The following IYD variants were observed in gnomAD, a reference collection of about 807,000 sequenced individuals.
IYD encodes iodotyrosine deiodinase.
In IYD, 25 loss-of-function variants were observed where a neutral mutation model predicts 28.4. That is an observed-to-expected ratio of 0.88 (90% confidence interval 0.64 to 1.23). The LOEUF is 1.23. IYD is among the 50% of genes most tolerant of loss of function. The pLI, the probability that IYD is intolerant of heterozygous loss-of-function variation, is 0.00. For missense variants in IYD, 352 were observed against 357.9 expected (o/e 0.98, Z 0.13); for synonymous variants, 140 against 130.8 (o/e 1.07, Z -0.48).
intron 4 of IYD, chr6:150,395,516 C>G (rs1447945270): frequency 2.0e-6 from 3 of 1,537,192 alleles, no homozygotes; most frequent in Non-Finnish European, 2.6e-6. Context: ...ATTGAGGGTC[C>G]TGGAAGAAGC....
At chr6:150,387,339 T>A (rs147913924) in intron 1 of IYD, among the ~76,000 whole-genome samples, 6 of 150,668 alleles carry the variant, frequency 4.0e-5, no homozygotes, top group African/African-American at 1.5e-4. Context: ...AGCTGGAGGA[T>A]CCCTTGAGGC....
chr6:150,388,705 C>CTTTTT (rs34498269), intron 1 of IYD, among the ~76,000 whole-genome samples: 2 of 92,720 alleles, frequency 2.2e-5, no homozygotes, highest in Admixed American at 2.4e-4. Context: ...CTTCCTTTCT[C>CTTTTT]TTTTTTTTTT....
chr6:150,395,513 G>A (rs1236255328), intron 4 of IYD: 1 of 1,537,326 alleles, frequency 6.5e-7, no homozygotes, highest in Non-Finnish European at 8.7e-7. Flanking sequence ...CTGATTGAGG[G>A]TCCTGGAAGA....
At position 150,402,979 on chromosome 6, in the gene IYD, ATGCAGTGGTGTGATTATAGCTCAC is replaced by A. The variant is rs1422296407; in HGVS notation, c.*4748_*4771del. The A allele has an allele frequency of 6.6e-6, 1 of 152,132 alleles. No homozygotes were observed. The highest frequency in any genetic ancestry group is 2.4e-5 in the African/African-American group (1 of 41,412). 9.4% of individuals were successfully genotyped at this position (152,132 alleles called of 1,614,324 possible). On this transcript the variant is annotated 3_prime_UTR_variant, in exon 5 of 5. Transcript: ENST00000344419. ...TTCTTGCTCTGTCACCCAGGCTAGA[ATGCAGTGGTGTGATTATAGCTCAC>A]TGCAGCCTCCAACTTCTGGACTCAA...
In IYD at chr6:150,392,384, T is replaced by C; in HGVS notation, c.410T>C (p.Phe137Ser). The change falls in exon 3 of 5, where the codon TTC becomes TCC. Residue 137 changes from phenylalanine to serine, a missense_variant. Transcript: ENST00000344419. Reference sequence around the variant, plus strand: ...GGGGCTCACACAGAGCCCTGGACCTTCGTGGTTGTGAAGGACCCAGACGTG... The same window carrying C: ...GGGGCTCACACAGAGCCCTGGACCTCCGTGGTTGTGAAGGACCCAGACGTG... Reference protein sequence around the residue: ...PSGAHTEPWTFVVVKDPDVKH... With the variant: ...PSGAHTEPWTSVVVKDPDVKH... 6.2e-7 allele frequency: 1 copy of C among 1,613,776 alleles called. No homozygotes were observed. Among genetic ancestry groups the C allele is most frequent in the Non-Finnish European group, 8.5e-7 (1 of 1,179,848 alleles).
intron 2 of IYD, 144 bp from the exon 3 acceptor site, chr6:150,392,197 TAAAA>T: frequency 9.6e-7 from 1 of 1,041,362 alleles, no homozygotes. Flanking sequence ...CCCTGCTAGT[TAAAA>T]AAAAAAAAAT....
intron 1 of IYD, among the ~76,000 whole-genome samples, chr6:150,385,345 T>C (rs553198608): frequency 9.2e-5 from 14 of 152,278 alleles, no homozygotes; most frequent in Admixed American, 8.5e-4. Flanking sequence ...CTGGATGTGG[T>C]GGGGTTTTTC....
At chr6:150,374,890 G>C (rs1777389904) in intron 1 of IYD, among the ~76,000 whole-genome samples, 1 of 152,098 alleles carries the variant, frequency 6.6e-6, no homozygotes, top group South Asian at 2.1e-4. Context: ...ATTCTTCCTA[G>C]ATTTTATGAC....
At position 150,389,410 on chromosome 6, in the gene IYD, C is replaced by T; in HGVS notation, c.237C>T (p.Asn79=). The change falls in exon 2 of 5, where the codon AAC becomes AAT. Residue 79 remains asparagine (N), a synonymous_variant. Coordinates refer to ENST00000344419, the MANE Select transcript of IYD (RefSeq NM_203395.3). Reference sequence around the variant, plus strand: ...TTGAACACATCCCCTTCTCTCATAACCACTATCCTGAGAAGGAAATGGTTA... The same window carrying T: ...TTGAACACATCCCCTTCTCTCATAATCACTATCCTGAGAAGGAAATGGTTA... The part of the protein sequence containing the change: ...ENVEHIPFSH[N]HYPEKEMVKR... 2 of 1,613,604 alleles carry T rather than the reference C, an allele frequency of 1.2e-6. No homozygotes were observed. The highest frequency in any genetic ancestry group is 1.7e-6 in the Non-Finnish European group (2 of 1,179,556).
chr6:150,369,208 A>T lies in IYD; in HGVS notation c.177A>T (p.Glu59Asp). 1 of 1,611,928 alleles carries T rather than the reference A, an allele frequency of 6.2e-7. No individual in the cohort carries two copies. The highest frequency in any genetic ancestry group is 8.5e-7 in the Non-Finnish European group (1 of 1,179,866). The change falls in exon 1 of 5, where the codon GAA (glutamate) becomes GAT (aspartate). Residue 59 changes from glutamate to aspartate, a missense_variant and splice_region_variant. Glu to Asp is a conservative substitution (Grantham distance 45). Coordinates refer to ENST00000344419, the MANE Select transcript of IYD (RefSeq NM_203395.3). The stretch of plus-strand genomic sequence containing the variant: ...GCAGTGACCTGCACCAAGCAGAAGA[A>T]GGTAAAGACACCAGCTATGCTGCTT... ...KDSSDLHQAE[E>D]DADEWQESEE...
At chr6:150,389,570 G>A (rs1778032950) in intron 2 of IYD, 27 bp downstream of exon 2, 3 of 1,588,946 alleles carry the variant, frequency 1.9e-6, no homozygotes, top group Non-Finnish European at 2.6e-6. Flanking sequence ...GGGGTCTTTG[G>A]AAATGTTAGT....
intron 1 of IYD, among the ~76,000 whole-genome samples, chr6:150,387,830 GT>G (rs1317929866): frequency 6.6e-6 from 1 of 151,574 alleles, no homozygotes; most frequent in African/African-American, 2.4e-5. Flanking sequence ...TTTTGCTGTT[GT>G]TTTTATTTTT....
chr6:150,396,597 A>G (rs996452663), intron 4 of IYD: 84 of 603,382 alleles, frequency 1.4e-4, no homozygotes, highest in South Asian at 1.1e-3. Context: ...AGACTTGGCC[A>G]GGTGCGGTGG....
At chr6:150,395,361 C>T in intron 4 of IYD, 2 of 1,489,844 alleles carry the variant, frequency 1.3e-6, no homozygotes, top group Non-Finnish European at 1.8e-6. Context: ...TGAATAACAC[C>T]TCCCAAAATG....
chr6:150,377,143 T>G (rs1777472868), intron 1 of IYD, among the ~76,000 whole-genome samples: 2 of 152,214 alleles, frequency 1.3e-5, no homozygotes, highest in South Asian at 2.1e-4. Flanking sequence ...GGCAAGTTAC[T>G]GTTGGTATCA....
chr6:150,370,429 GTTT>G, intron 1 of IYD: 12 of 240,492 alleles, frequency 5.0e-5, no homozygotes, highest in Non-Finnish European at 7.1e-5. Flanking sequence ...GCATGAGTGT[GTTT>G]GTGAGAGAGT....
In IYD at chr6:150,398,268, T is replaced by C. The variant is rs2076285; in HGVS notation, c.*31T>C. On this transcript the variant is annotated 3_prime_UTR_variant, in exon 5 of 5. Transcript: ENST00000344419. The stretch of plus-strand genomic sequence containing the variant: ...GCCCCCCAAGGGAGTGGCAGGGAGA[T>C]GGCGCCCCTGCTTTTCCCTGAGCCT... 120,142 of 1,606,846 alleles carry C rather than the reference T, an allele frequency of 0.075. 12,287 individuals are homozygous for C. The highest frequency in any genetic ancestry group is 0.42 in the African/African-American group (31,116 of 74,678).
rs1778324060 is a variant in IYD, at chr6:150,396,648, G to A, written c.688-1407G>A. On this transcript the variant is annotated intron_variant, in intron 4 of 4. Transcript: ENST00000344419. ...CCAGCACTTTGGGAGGCCAAGGCGG[G>A]CGGATCACGAGGTCAGGAGATCGAG... The A allele has an allele frequency of 5.5e-5, 24 of 438,436 alleles. No individual in the cohort carries two copies. The South Asian group carries it at 7.4e-4, about 13-fold the overall frequency. 27.2% of individuals were successfully genotyped at this position (438,436 alleles called of 1,614,324 possible).
At position 150,398,165 on chromosome 6, in the gene IYD, G is replaced by A. The variant is rs1404794107; in HGVS notation, c.798G>A (p.Gly266=). The part of the protein sequence containing the change: ...HEKLLMLLPV[G]YPSKEATVPD... Reference sequence around the variant, plus strand: ...AGCTGCTGATGCTGCTCCCCGTGGGGTACCCCAGCAAGGAGGCCACGGTGC... The same window carrying A: ...AGCTGCTGATGCTGCTCCCCGTGGGATACCCCAGCAAGGAGGCCACGGTGC... The change falls in exon 5 of 5, where the codon GGG becomes GGA. Residue 266 remains glycine (G), a synonymous_variant. Coordinates refer to ENST00000344419, the MANE Select transcript of IYD (RefSeq NM_203395.3). The A allele has an allele frequency of 6.2e-7, 1 of 1,614,204 alleles. No homozygotes were observed. Among genetic ancestry groups the A allele is most frequent in the Non-Finnish European group, 8.5e-7 (1 of 1,180,040 alleles).
Sources: allele counts gnomAD v4.1 joint callset (sites outside exome capture counted in the v4.1 genomes callset), GRCh38; gene constraint gnomAD v4.1.1; transcripts MANE v1.5; gene names NCBI Gene and HGNC (gene_info 2026-07-23, HGNC 2026-07-21).